The following QRICH1 variants were observed in gnomAD, a reference collection of about 807,000 sequenced individuals.
QRICH1 encodes the protein transcriptional regulator QRICH1.
Under a neutral mutation model 87.1 loss-of-function variants are expected in QRICH1, and 16 were observed. That is an observed-to-expected ratio of 0.18 (90% CI 0.12 to 0.28). The LOEUF (loss-of-function observed/expected upper bound fraction) is 0.28. Ranked by LOEUF, QRICH1 falls within the 10% of genes least tolerant of loss-of-function variation. The pLI is 1.00. For missense variants in QRICH1, 647 were observed against 951.7 expected (o/e 0.68, Z 4.21); for synonymous variants, 367 against 368.4 (o/e 1.00, Z 0.05).
At chr3:49,060,531 T>C (rs370894335) in intron 2 of QRICH1, among the ~76,000 whole-genome samples, 1 of 151,792 alleles carries the variant, frequency 6.6e-6, no homozygotes, top group African/African-American at 2.4e-5. Flanking sequence ...GGTTTCACCA[T>C]GTTGGCCAGG....
chr3:49,081,144 C>T (rs1198979893), intron 1 of QRICH1, among the ~76,000 whole-genome samples: 1 of 152,000 alleles, frequency 6.6e-6, no homozygotes, highest in African/African-American at 2.4e-5. Context: ...TGGCCAGGTG[C>T]GGTGGCTCAG....
chr3:49,042,828 C>T (rs1478063837), intron 6 of QRICH1, among the ~76,000 whole-genome samples: 1 of 152,128 alleles, frequency 6.6e-6, no homozygotes, highest in East Asian at 1.9e-4. Context: ...CCATCTCTGC[C>T]TCCCAAAGTG....
intron 3 of QRICH1, among the ~76,000 whole-genome samples, chr3:49,054,444 C>T (rs2093389115): frequency 6.6e-6 from 1 of 152,162 alleles, no homozygotes; most frequent in African/African-American, 2.4e-5. Context: ...TTAGATCAAA[C>T]TCAGTTCTAC....
chr3:49,090,084 G>C (rs1392104979), intron 1 of QRICH1, among the ~76,000 whole-genome samples: 1 of 152,198 alleles, frequency 6.6e-6, no homozygotes, highest in African/African-American at 2.4e-5. Flanking sequence ...GGAGGCCAAG[G>C]TAGGCAGACC....
chr3:49,042,116 G>T (rs1310509142), intron 6 of QRICH1, among the ~76,000 whole-genome samples: 7 of 149,780 alleles, frequency 4.7e-5, no homozygotes, highest in Non-Finnish European at 8.9e-5. Context: ...GGGTGGCACG[G>T]GGCAGACTCT....
rs552647130 is a variant in QRICH1, at chr3:49,048,970, C to T, written c.1339-1724G>A. Among the ~76,000 whole-genome samples the T allele has an allele frequency of 5.3e-5, 8 of 150,852 alleles. No homozygotes were observed. The South Asian group carries it at 1.3e-3, about 24-fold the overall frequency. On this transcript the variant is annotated intron_variant, in intron 3 of 9. Coordinates refer to ENST00000395443, the MANE Select transcript of QRICH1 (RefSeq NM_198880.3). The stretch of plus-strand genomic sequence containing the variant: ...AGGCTGGAGTGCAGTGGCACGATCT[C>T]GGCTCACTGCAACCTTCACCTCCCA...
chr3:49,086,110 C>T (rs151015594), intron 1 of QRICH1, among the ~76,000 whole-genome samples: 1 of 150,826 alleles, frequency 6.6e-6, no homozygotes, highest in Non-Finnish European at 1.5e-5. Flanking sequence ...TACTTCTAAA[C>T]GCTTTTAAAT....
chr3:49,078,694 CTTTTTT>C (rs57367580), intron 1 of QRICH1, among the ~76,000 whole-genome samples: 1 of 78,924 alleles, frequency 1.3e-5, no homozygotes, highest in African/African-American at 5.5e-5. Flanking sequence ...CACACCTGTC[CTTTTTT>C]TTTTTTTTTT....
At chr3:49,089,758 G>A (rs750875817) in intron 1 of QRICH1, among the ~76,000 whole-genome samples, 1 of 152,042 alleles carries the variant, frequency 6.6e-6, no homozygotes, top group Non-Finnish European at 1.5e-5. Flanking sequence ...AACTCATAAG[G>A]AAACAAATCT....
chr3:49,084,828 G>A (rs1253773493), intron 1 of QRICH1, among the ~76,000 whole-genome samples: 2 of 152,096 alleles, frequency 1.3e-5, no homozygotes, highest in African/African-American at 4.8e-5. Flanking sequence ...GAGTAATTAA[G>A]TTTCTTCTGT....
intron 2 of QRICH1, among the ~76,000 whole-genome samples, chr3:49,065,515 T>G (rs1159809336): frequency 6.6e-6 from 1 of 152,218 alleles, no homozygotes; most frequent in Admixed American, 6.6e-5. Flanking sequence ...GCTTCCGCAC[T>G]CAATCTGTTG....
At chr3:49,043,023 G>A (rs1486043220) in intron 6 of QRICH1, among the ~76,000 whole-genome samples, 1 of 152,038 alleles carries the variant, frequency 6.6e-6, no homozygotes, top group Admixed American at 6.6e-5. Flanking sequence ...ATAGCACTAT[G>A]AACTATAGTT....
intron 6 of QRICH1, among the ~76,000 whole-genome samples, chr3:49,037,374 T>G (rs1282280204): frequency 6.6e-6 from 1 of 152,190 alleles, no homozygotes; most frequent in African/African-American, 2.4e-5. Flanking sequence ...TGTGACAATT[T>G]CAAAGGCTAG....
At position 49,057,513 on chromosome 3, in the gene QRICH1, G is replaced by A; in HGVS notation, c.687C>T (p.Pro229=). ...LSPPPSQQGS[P]REGERRVGTA... is the part of the protein sequence containing the mutation. Reference sequence around the variant, plus strand: ...TGCCAACCCGCCGCTCCCCTTCCCGGGGTGAGCCCTGCTGGGATGGTGGTG... The same window carrying A: ...TGCCAACCCGCCGCTCCCCTTCCCGAGGTGAGCCCTGCTGGGATGGTGGTG... The change falls in exon 3 of 10, where the codon CCC becomes CCT. Residue 229 remains proline (P), a synonymous_variant. Transcript: ENST00000395443. This position sits in a 1 kb window ranked among gnomAD's most constrained non-coding sequence, Gnocchi z 5.4. The A allele has an allele frequency of 6.2e-7, 1 of 1,613,544 alleles. No homozygotes were observed. The highest frequency in any genetic ancestry group is 8.5e-7 in the Non-Finnish European group (1 of 1,179,652).
intron 2 of QRICH1, among the ~76,000 whole-genome samples, chr3:49,069,451 T>A (rs1056393502): frequency 6.6e-6 from 1 of 151,572 alleles, no homozygotes. Flanking sequence ...ATTACACTTA[T>A]AACTTGCATT....
At chr3:49,073,355 A>T (rs2041882823) in intron 2 of QRICH1, among the ~76,000 whole-genome samples, 1 of 152,034 alleles carries the variant, frequency 6.6e-6, no homozygotes, top group Non-Finnish European at 1.5e-5. Context: ...AGCCTGACCA[A>T]CATGGTGAAA....
At chr3:49,084,653 A>T (rs1176339325) in intron 1 of QRICH1, among the ~76,000 whole-genome samples, 2 of 151,600 alleles carry the variant, frequency 1.3e-5, no homozygotes, top group Non-Finnish European at 1.5e-5. Flanking sequence ...AATCCCAGCT[A>T]CTCTAGAGGC....
intron 5 of QRICH1, among the ~76,000 whole-genome samples, chr3:49,045,036 T>G (rs2093331107): frequency 1.3e-5 from 2 of 151,908 alleles, no homozygotes; most frequent in Non-Finnish European, 2.9e-5. Flanking sequence ...TAAGCCCTAT[T>G]CTATTATACT....
At chr3:49,089,874 C>T (rs1424547743) in intron 1 of QRICH1, among the ~76,000 whole-genome samples, 13 of 152,128 alleles carry the variant, frequency 8.5e-5, no homozygotes, top group Admixed American at 6.6e-5. Flanking sequence ...CAGGAAGGGA[C>T]CCACGAAGGG....
Sources: gnomAD v4.1 joint callset for allele counts (sites outside exome capture counted in the v4.1 genomes callset) on GRCh38, gnomAD v4.1.1 for gene constraint, Gnocchi (gnomAD v3.1) non-coding constraint, MANE v1.5 for transcripts, NCBI Gene and HGNC (gene_info 2026-07-23, HGNC 2026-07-21) for gene names.